Variants in TAF4 observed in about 807,000 individuals in gnomAD.
TAF4 encodes TATA-box binding protein associated factor 4.
A neutral mutation model predicts 90.3 loss-of-function variants in TAF4; 9 were observed. The observed-to-expected ratio is 0.10, with a 90% confidence interval of 0.06 to 0.17. The LOEUF is 0.17. Among genes scored for constraint, TAF4 ranks in the 10% least tolerant of loss-of-function variants. The probability of loss-of-function intolerance (pLI) is 1.00; values close to 1 mark genes in which losing one functional copy is unlikely to be tolerated. For synonymous variants in TAF4, 818 were observed against 638.9 expected, an observed-to-expected ratio of 1.28 and a Z score of -4.23; for missense variants, 1,351 against 1,370.7, an observed-to-expected ratio of 0.99 and a Z score of 0.23.
At chr20:61,988,028 A>G (rs2055605128) in intron 14 of TAF4, among the ~76,000 whole-genome samples, 1 of 152,240 alleles carries the variant, frequency 6.6e-6, no homozygotes, top group Non-Finnish European at 1.5e-5. Flanking sequence ...ACTAGGAGAC[A>G]ATAAGATCCG....
chr20:62,000,090 A>G lies in TAF4; in HGVS notation c.2787+34T>C, dbSNP rs760003241. On this transcript the variant is annotated intron_variant, in intron 11 of 14. Transcript: ENST00000252996. ...CCAGCAGAGAGTGGGGGCCAACAAC[A>G]TAAAGACGCTCTCCTCGGCAAACAG... 1.4e-5 allele frequency: 23 copies of G among 1,614,160 alleles called. No individual in the cohort carries two copies. In the South Asian group the frequency reaches 2.1e-4, roughly 15 times the overall value.
At chr20:62,032,170 G>A (rs1393504918) in intron 1 of TAF4, among the ~76,000 whole-genome samples, 1 of 152,192 alleles carries the variant, frequency 6.6e-6, no homozygotes, top group East Asian at 1.9e-4. Flanking sequence ...TTTGGATGGT[G>A]CTTCCAGGCC....
intron 1 of TAF4, among the ~76,000 whole-genome samples, chr20:62,031,505 T>C (rs2055904183): frequency 6.6e-6 from 1 of 152,210 alleles, no homozygotes; most frequent in African/African-American, 2.4e-5. Flanking sequence ...CTCTTTCATC[T>C]GCAGATTCTG....
chr20:62,000,778 G>A (rs1600835660), intron 9 of TAF4, 57 bp from the exon 10 acceptor site: 1 of 1,595,374 alleles, frequency 6.3e-7, no homozygotes, highest in East Asian at 2.2e-5. Context: ...CGGGAGGTGG[G>A]CTGGGGTGGT....
chr20:62,027,212 TG>T (rs1287677348), intron 1 of TAF4, among the ~76,000 whole-genome samples: 1 of 152,140 alleles, frequency 6.6e-6, no homozygotes, highest in Non-Finnish European at 1.5e-5. Flanking sequence ...TGGAGTGGAA[TG>T]AAGTTTGGGA....
chr20:61,989,158 T>C (rs1227202292), intron 14 of TAF4, among the ~76,000 whole-genome samples: 1 of 151,918 alleles, frequency 6.6e-6, no homozygotes, highest in African/African-American at 2.4e-5. Flanking sequence ...CCCTTCGACA[T>C]GGAAGGGCGC....
At chr20:62,003,330 T>C (rs2055719801) in intron 8 of TAF4, 56 bp from the exon 9 acceptor site, 1 of 1,408,648 alleles carries the variant, frequency 7.1e-7, no homozygotes, top group African/African-American at 1.4e-5. Flanking sequence ...ATCAACTATG[T>C]GCTTTGGTGC....
At chr20:62,014,984 T>C (rs1177732796) in intron 1 of TAF4, among the ~76,000 whole-genome samples, 1 of 152,138 alleles carries the variant, frequency 6.6e-6, no homozygotes, top group Non-Finnish European at 1.5e-5. Flanking sequence ...AGCAATGGCT[T>C]CCACCGGCCA....
At chr20:62,023,053 C>T (rs527925292) in intron 1 of TAF4, among the ~76,000 whole-genome samples, 1 of 152,310 alleles carries the variant, frequency 6.6e-6, no homozygotes, top group South Asian at 2.1e-4. Flanking sequence ...AGCAATGCAT[C>T]CCAAAGTCCC....
chr20:62,009,649 C>T (rs1391072498), intron 4 of TAF4, among the ~76,000 whole-genome samples: 1 of 152,152 alleles, frequency 6.6e-6, no homozygotes, highest in Non-Finnish European at 1.5e-5. Context: ...AAACGGGTGG[C>T]GCTGCTGTTT....
At chr20:62,046,153 C>A (rs914696279) in intron 1 of TAF4, among the ~76,000 whole-genome samples, 5 of 152,210 alleles carry the variant, frequency 3.3e-5, no homozygotes, top group African/African-American at 1.2e-4. Flanking sequence ...CCATAACTGC[C>A]TTTCCTTCCC....
At chr20:62,038,910 G>A (rs1169351217) in intron 1 of TAF4, among the ~76,000 whole-genome samples, 3 of 152,088 alleles carry the variant, frequency 2.0e-5, no homozygotes, top group Non-Finnish European at 4.4e-5. Context: ...AAAATTAGCC[G>A]GGTGTGGTGG....
At chr20:62,016,930 G>C (rs1457733143) in intron 1 of TAF4, among the ~76,000 whole-genome samples, 1 of 151,986 alleles carries the variant, frequency 6.6e-6, no homozygotes, top group Non-Finnish European at 1.5e-5. Flanking sequence ...CTTGAGGCTG[G>C]TTCGAGACCA....
chr20:62,030,679 G>C (rs999277807), intron 1 of TAF4, among the ~76,000 whole-genome samples: 3 of 152,222 alleles, frequency 2.0e-5, no homozygotes, highest in Admixed American at 6.5e-5. Context: ...CATGCTTAGA[G>C]TAATAATTTT....
intron 1 of TAF4, among the ~76,000 whole-genome samples, chr20:62,043,484 C>A (rs1319372242): frequency 6.6e-6 from 1 of 152,112 alleles, no homozygotes; most frequent in Admixed American, 6.5e-5. Flanking sequence ...ATTCCATAGT[C>A]CCTAAGCATA....
intron 1 of TAF4, among the ~76,000 whole-genome samples, chr20:62,038,469 C>G (rs556872981): frequency 6.6e-6 from 1 of 152,070 alleles, no homozygotes; most frequent in Admixed American, 6.5e-5. Context: ...GAGCCACTGA[C>G]CCACCGCGCC....
chr20:62,018,455 G>A (rs1181376528), intron 1 of TAF4, among the ~76,000 whole-genome samples: 2 of 152,262 alleles, frequency 1.3e-5, no homozygotes, highest in Non-Finnish European at 2.9e-5. Context: ...TAATTTAAGA[G>A]TAATCAACCG....
At chr20:62,062,093 T>C (rs1386625572) in intron 1 of TAF4, among the ~76,000 whole-genome samples, 1 of 152,230 alleles carries the variant, frequency 6.6e-6, no homozygotes, top group African/African-American at 2.4e-5. Flanking sequence ...CACATGCAGC[T>C]TTGAGAACCC....
chr20:61,988,050 C>T (rs922189374), intron 14 of TAF4, among the ~76,000 whole-genome samples: 1 of 152,126 alleles, frequency 6.6e-6, no homozygotes, highest in Non-Finnish European at 1.5e-5. Flanking sequence ...GGACCAGGGA[C>T]TGACAGGAGG....
Sources: allele counts gnomAD v4.1 joint callset (sites outside exome capture counted in the v4.1 genomes callset), GRCh38; gene constraint gnomAD v4.1.1; transcripts MANE v1.5; gene names NCBI Gene and HGNC (gene_info 2026-07-23, HGNC 2026-07-21).